LSM8: variants seen among roughly 807,000 people sequenced by gnomAD.
The protein encoded by LSM8 is LSM8 homolog, U6 small nuclear RNA associated, also known as LSM8 U6 small nuclear RNA associated.
A neutral mutation model predicts 15.0 loss-of-function variants in LSM8; 14 were observed. That is an observed-to-expected ratio of 0.93 (90% CI 0.62 to 1.46). The LOEUF is 1.46. Ranked by LOEUF, LSM8 falls within the 40% of genes most tolerant of loss-of-function variation. LSM8 has a pLI of 0.00. For synonymous variants in LSM8, 50 were observed against 42.1 expected (o/e 1.19, Z -0.73); for missense variants, 90 against 115.4 (o/e 0.78, Z 1.01).
In LSM8 at chr7:118,188,295, T is replaced by G; in HGVS notation, c.90T>G (p.Phe30Leu). 1 of 1,613,782 alleles carries G rather than the reference T, an allele frequency of 6.2e-7. No homozygotes were observed. The highest frequency in any genetic ancestry group is 1.3e-5 in the African/African-American group (1 of 75,068). The change falls in exon 3 of 4, where the codon TTT becomes TTG. Residue 30 changes from phenylalanine to leucine, a missense_variant. Physicochemically the swap from Phe to Leu is conservative, Grantham distance 22 (BLOSUM62 0). Coordinates refer to ENST00000249299, the MANE Select transcript of LSM8 (RefSeq NM_016200.5). ...CTTTACAGGGAACACTGAAAGGTTTTGACCAGACCATTAATTTGATTTTGG... is the reference window on the plus strand; with the variant it reads ...CTTTACAGGGAACACTGAAAGGTTTGGACCAGACCATTAATTTGATTTTGG... Reference protein sequence around the residue: ...GRMIVGTLKGFDQTINLILDE... With the variant: ...GRMIVGTLKGLDQTINLILDE...
chr7:118,192,008 A>G lies in LSM8; in HGVS notation c.*6A>G, dbSNP rs765374845. The G allele has an allele frequency of 3.2e-6, 5 of 1,585,748 alleles. No homozygotes were observed. Among genetic ancestry groups the G allele is most frequent in the Non-Finnish European group, 4.3e-6 (5 of 1,155,766 alleles). ...TAAATTCTGTAGCACACTGAGGAAA[A>G]ACTACATACTTGGACATCTGTAAAT... On this transcript the variant is annotated 3_prime_UTR_variant, in exon 4 of 4. Coordinates refer to ENST00000249299, the MANE Select transcript of LSM8 (RefSeq NM_016200.5).
rs1809113962 is a variant in LSM8, at chr7:118,198,320, T to C, written c.*6318T>C. Among the ~76,000 whole-genome samples, 1 of 152,190 alleles carries C rather than the reference T, an allele frequency of 6.6e-6. No individual in the cohort carries two copies. Among genetic ancestry groups the C allele is most frequent in the Non-Finnish European group, 1.5e-5 (1 of 68,022 alleles). On this transcript the variant is annotated 3_prime_UTR_variant, in exon 4 of 4. Transcript: ENST00000249299. ...TCTGAAATGAAGAATGGATAAGAGC[T>C]TGCATATTTAATTTTGTATATTAAA...
Position 118,203,775 on chromosome 7 carries a change from T to C in LSM8, c.*11773T>C, listed in dbSNP as rs1027871141. Among the ~76,000 whole-genome samples, 1 of 151,844 alleles carries C rather than the reference T, an allele frequency of 6.6e-6. No individual in the cohort carries two copies. The highest frequency in any genetic ancestry group is 1.5e-5 in the Non-Finnish European group (1 of 67,790). ...AAATCATAATTTGTGATTTCAAACATTTAATATGTGCACATGTATATTATA... is the reference window on the plus strand; with the variant it reads ...AAATCATAATTTGTGATTTCAAACACTTAATATGTGCACATGTATATTATA... On this transcript the variant is annotated 3_prime_UTR_variant, in exon 4 of 4. Coordinates refer to ENST00000249299, the MANE Select transcript of LSM8 (RefSeq NM_016200.5).
At chr7:118,184,819 G>C (rs1357143598) in intron 1 of LSM8, 2 of 152,232 alleles carry the variant, frequency 1.3e-5, no homozygotes, top group African/African-American at 4.8e-5. Context: ...GACTTTACAA[G>C]TGTTACCGTT....
Position 118,192,320 on chromosome 7 carries a change from G to A in LSM8, c.*318G>A, listed in dbSNP as rs1484570236. 1.5e-5 allele frequency: 3 copies of A among 198,244 alleles called. No individual in the cohort carries two copies. The highest frequency in any genetic ancestry group is 3.1e-5 in the Non-Finnish European group (3 of 97,100). The allele number at this position is 198,244 out of a possible 1,614,324, so 12.3% of individuals were successfully genotyped here. A position where few individuals can be genotyped will look rare whatever the true frequency, so the allele number is the denominator to read the frequency against. On this transcript the variant is annotated 3_prime_UTR_variant, in exon 4 of 4. Coordinates refer to ENST00000249299, the MANE Select transcript of LSM8 (RefSeq NM_016200.5). The stretch of plus-strand genomic sequence containing the variant: ...AAACTAGTGGAAAAGAGAAATTAGT[G>A]TGCTATATAAATCAGGCATTCAAGT...
intron 1 of LSM8, 105 bp downstream of exon 1, chr7:118,184,359 G>T: frequency 7.6e-7 from 1 of 1,317,694 alleles, no homozygotes. Flanking sequence ...GATCCTGGGG[G>T]CGGGCGAGGA....
At chr7:118,188,482 C>G (rs1278583545) in intron 3 of LSM8, 77 bp downstream of exon 3, 8 of 1,318,228 alleles carry the variant, frequency 6.1e-6, no homozygotes, top group Non-Finnish European at 8.5e-6. Flanking sequence ...CCAAAATACC[C>G]TACTGTATTG....
rs1411017758 is a variant in LSM8 at position 118,202,190 on chromosome 7, T to G, written c.*10188T>G. On this transcript the variant is annotated 3_prime_UTR_variant, in exon 4 of 4. Transcript: ENST00000249299. ...TTTTTGTTTTTGCTTGTGTCACACATAATGCTGATGAAGAAACCATGAAGT... is the reference window on the plus strand; with the variant it reads ...TTTTTGTTTTTGCTTGTGTCACACAGAATGCTGATGAAGAAACCATGAAGT... 6.6e-6 allele frequency among the ~76,000 whole-genome samples: 1 copy of G among 152,098 alleles called. No individual in the cohort carries two copies. Among genetic ancestry groups the G allele is most frequent in the African/African-American group, 2.4e-5 (1 of 41,446 alleles).
At chr7:118,187,465 A>G (rs1210738754) in intron 2 of LSM8, among the ~76,000 whole-genome samples, 2 of 152,242 alleles carry the variant, frequency 1.3e-5, no homozygotes, top group Admixed American at 6.5e-5. Flanking sequence ...GAATTAAACA[A>G]TAAATCCATA....
Position 118,192,017 on chromosome 7 carries a change from C to G in LSM8, c.*15C>G. The G allele has an allele frequency of 1.3e-6, 2 of 1,559,972 alleles. No homozygotes were observed. The highest frequency in any genetic ancestry group is 1.1e-5 in the South Asian group (1 of 88,848). On this transcript the variant is annotated 3_prime_UTR_variant, in exon 4 of 4. Coordinates refer to ENST00000249299, the MANE Select transcript of LSM8 (RefSeq NM_016200.5). ...TAGCACACTGAGGAAAAACTACATA[C>G]TTGGACATCTGTAAATCTTTGTACA...
At chr7:118,186,433 CT>C (rs1808891442) in intron 2 of LSM8, among the ~76,000 whole-genome samples, 1 of 152,068 alleles carries the variant, frequency 6.6e-6, no homozygotes, top group South Asian at 2.1e-4. Flanking sequence ...AATTTGATCC[CT>C]TATTTTTCCA....
In LSM8 at chr7:118,193,082, T is replaced by C. The variant is rs1809013212; in HGVS notation, c.*1080T>C. On this transcript the variant is annotated 3_prime_UTR_variant, in exon 4 of 4. Coordinates refer to ENST00000249299, the MANE Select transcript of LSM8 (RefSeq NM_016200.5). ...TTTAAATAGTTTATTTGTTTTGTTT[T>C]TATGAAAGTGCTTAAAAATAGTAGT... Among the ~76,000 whole-genome samples, 1 of 152,176 alleles carries C rather than the reference T, an allele frequency of 6.6e-6. No homozygotes were observed. Among genetic ancestry groups the C allele is most frequent in the Non-Finnish European group, 1.5e-5 (1 of 67,992 alleles).
At chr7:118,185,502 CT>C in intron 1 of LSM8, 151 bp from the exon 2 acceptor site, 1 of 681,728 alleles carries the variant, frequency 1.5e-6, no homozygotes, top group South Asian at 2.0e-5. Context: ...GTCTAAGAAA[CT>C]TTTAACGTTT....
intron 2 of LSM8, among the ~76,000 whole-genome samples, chr7:118,186,368 A>T (rs1808890545): frequency 6.6e-6 from 1 of 152,228 alleles, no homozygotes; most frequent in Admixed American, 6.5e-5. Flanking sequence ...TTTCAAAAGA[A>T]TTTTAAGGCT....
In LSM8 at chr7:118,196,753, A is replaced by G. The variant is rs1478645601; in HGVS notation, c.*4751A>G. On this transcript the variant is annotated 3_prime_UTR_variant, in exon 4 of 4. Transcript: ENST00000249299. ...ATTTATTTATTTATTTATTTTTGAGACACTTCTTGCTCTTTCGCCAGGCTG... is the reference window on the plus strand; with the variant it reads ...ATTTATTTATTTATTTATTTTTGAGGCACTTCTTGCTCTTTCGCCAGGCTG... Among the ~76,000 whole-genome samples, 1 of 103,872 alleles carries G rather than the reference A, an allele frequency of 9.6e-6. No homozygotes were observed. The highest frequency in any genetic ancestry group is 2.0e-5 in the Non-Finnish European group (1 of 48,790). The allele number at this position is 103,872 out of a possible 152,430, so 68.1% of individuals were successfully genotyped here. A position where few individuals can be genotyped will look rare whatever the true frequency, so the allele number is the denominator to read the frequency against.
At chr7:118,188,698 G>C (rs1473319342) in intron 3 of LSM8, 1 of 202,586 alleles carries the variant, frequency 4.9e-6, no homozygotes. Context: ...TCCAGAAAGG[G>C]CTCTGCCTTA....
chr7:118,189,832 G>T (rs1277947564), intron 3 of LSM8: 3 of 151,924 alleles, frequency 2.0e-5, no homozygotes, highest in Non-Finnish European at 4.4e-5. Context: ...TTGCACTCCA[G>T]CCTGGGCAAA....
chr7:118,188,441 A>ACGC, intron 3 of LSM8, 36 bp downstream of exon 3: 2 of 1,580,032 alleles, frequency 1.3e-6, no homozygotes, highest in Non-Finnish European at 8.7e-7. Flanking sequence ...TATAAATGAT[A>ACGC]CTGCCTTACT....
rs959315124 is a variant in LSM8 at position 118,196,359 on chromosome 7, A to G, written c.*4357A>G. On this transcript the variant is annotated 3_prime_UTR_variant, in exon 4 of 4. Coordinates refer to ENST00000249299, the MANE Select transcript of LSM8 (RefSeq NM_016200.5). ...CTGGATTCATTCAAAACAACTAGAAACAGTCTTTTTAAAATAAATATAATT... is the reference window on the plus strand; with the variant it reads ...CTGGATTCATTCAAAACAACTAGAAGCAGTCTTTTTAAAATAAATATAATT... 6.6e-6 allele frequency among the ~76,000 whole-genome samples: 1 copy of G among 152,026 alleles called. No individual in the cohort carries two copies. The highest frequency in any genetic ancestry group is 2.4e-5 in the African/African-American group (1 of 41,366).
Sources: gnomAD v4.1 joint callset for allele counts (sites outside exome capture counted in the v4.1 genomes callset) on GRCh38, gnomAD v4.1.1 for gene constraint, MANE v1.5 for transcripts, NCBI Gene and HGNC (gene_info 2026-07-23, HGNC 2026-07-21) for gene names.